Variants in VSTM1 observed in about 807,000 individuals in gnomAD.
VSTM1 encodes V-set and transmembrane domain containing 1.
A neutral mutation model predicts 33.1 loss-of-function variants in VSTM1; 27 were observed. The ratio of observed to expected loss-of-function variants is 0.82; its 90% CI spans 0.60 to 1.12. The LOEUF (loss-of-function observed/expected upper bound fraction) is 1.12, where lower values mean the gene tolerates loss of function less well. VSTM1 is among the 50% of genes most tolerant of loss of function. The pLI, the probability that VSTM1 is intolerant of heterozygous loss-of-function variation, is 0.00. For missense variants in VSTM1, 304 were observed against 288.9 expected (o/e 1.05, Z -0.38); for synonymous variants, 115 against 110.3 (o/e 1.04, Z -0.27).
intron 8 of VSTM1, 24 bp downstream of exon 8, chr19:54,041,755 G>A: frequency 6.2e-7 from 1 of 1,611,282 alleles, no homozygotes; most frequent in South Asian, 1.1e-5. Flanking sequence ...AGCTCTTGTG[G>A]GACTCCTAAG....
At chr19:54,042,745 C>CAT (rs146646565) in intron 4 of VSTM1, among the ~76,000 whole-genome samples, 3 of 106,732 alleles carry the variant, frequency 2.8e-5, no homozygotes, top group Admixed American at 1.0e-4. Context: ...TATATATATA[C>CAT]GTGTGTGTGT....
chr19:54,056,577 C>T (rs947257584), intron 3 of VSTM1, among the ~76,000 whole-genome samples: 6 of 139,964 alleles, frequency 4.3e-5, no homozygotes, highest in African/African-American at 1.6e-4. Flanking sequence ...CACAGTTCTT[C>T]CTCCTCCCTC....
intron 6 of VSTM1, 39 bp downstream of exon 6, chr19:54,042,130 A>G: frequency 1.9e-6 from 3 of 1,581,416 alleles, no homozygotes; most frequent in Non-Finnish European, 2.6e-6. Flanking sequence ...TGAGAATGAC[A>G]TGGGAATAAG....
intron 4 of VSTM1, among the ~76,000 whole-genome samples, chr19:54,046,998 C>T (rs1367331976): frequency 6.6e-6 from 1 of 152,098 alleles, no homozygotes; most frequent in East Asian, 1.9e-4. Flanking sequence ...GAGTTCGAGA[C>T]CAGCCTGACC....
chr19:54,042,093 A>T (rs2070310776), intron 6 of VSTM1, 76 bp downstream of exon 6: 1 of 1,609,900 alleles, frequency 6.2e-7, no homozygotes, highest in African/African-American at 1.3e-5. Context: ...TCAGGGTGCC[A>T]ATCCCGGATG....
chr19:54,061,526 T>C (rs542267876), intron 1 of VSTM1, among the ~76,000 whole-genome samples: 1 of 152,232 alleles, frequency 6.6e-6, no homozygotes, highest in African/African-American at 2.4e-5. Flanking sequence ...AAGACGGCCA[T>C]GCGAAGACAG....
At chr19:54,056,135 G>A (rs1401627845) in intron 3 of VSTM1, among the ~76,000 whole-genome samples, 1 of 136,490 alleles carries the variant, frequency 7.3e-6, no homozygotes, top group Non-Finnish European at 1.6e-5. Context: ...CCAAGAACTA[G>A]ACAACCAGGG....
chr19:54,042,244 C>T (rs1215190100), intron 5 of VSTM1, 33 bp downstream of exon 5: 1 of 1,613,868 alleles, frequency 6.2e-7, no homozygotes, highest in Non-Finnish European at 8.5e-7. Context: ...ATCCTTCACT[C>T]CCCCTCTCTC....
At chr19:54,051,536 C>A in intron 3 of VSTM1, 88 bp from the exon 4 acceptor site, 1 of 1,046,484 alleles carries the variant, frequency 9.6e-7, no homozygotes, top group Non-Finnish European at 1.4e-6. Context: ...TATAGACATC[C>A]TGTTCTTCTT....
At chr19:54,051,045 G>C (rs567893652) in intron 4 of VSTM1, among the ~76,000 whole-genome samples, 2 of 151,346 alleles carry the variant, frequency 1.3e-5, no homozygotes, top group South Asian at 2.1e-4. Context: ...TGTAATCCCA[G>C]CACTTTGGGA....
At chr19:54,056,683 A>C (rs2071115115) in intron 3 of VSTM1, among the ~76,000 whole-genome samples, 1 of 139,528 alleles carries the variant, frequency 7.2e-6, no homozygotes, top group Non-Finnish European at 1.6e-5. Context: ...TTTCCATGGC[A>C]ATCATCACTT....
intron 4 of VSTM1, among the ~76,000 whole-genome samples, chr19:54,048,953 G>A (rs913224754): frequency 2.6e-5 from 4 of 152,062 alleles, no homozygotes; most frequent in East Asian, 1.9e-4. Context: ...GCATGGTGAC[G>A]GGCGCCTGTA....
chr19:54,045,082 A>G (rs1178640244), intron 4 of VSTM1, among the ~76,000 whole-genome samples: 1 of 152,140 alleles, frequency 6.6e-6, no homozygotes. Flanking sequence ...CAAGTCTGAG[A>G]TGCTTCACAC....
chr19:54,062,291 G>T (rs1212992300), intron 1 of VSTM1, among the ~76,000 whole-genome samples: 1 of 152,146 alleles, frequency 6.6e-6, no homozygotes, highest in Non-Finnish European at 1.5e-5. Context: ...CCAACTTAAA[G>T]CAATTCTAAT....
In VSTM1 at chr19:54,049,725, C is replaced by T. The variant is rs116693429; in HGVS notation, c.394+1685G>A. ...GGGTAGCAGACATTTCCCAAGCCTA[C>T]TATCATGGAATAAAAACGTTTCAAA... On this transcript the variant is annotated intron_variant, in intron 4 of 8. Coordinates refer to ENST00000338372, the MANE Select transcript of VSTM1 (RefSeq NM_198481.4). Among the ~76,000 whole-genome samples the T allele has an allele frequency of 9.1e-3, 1,381 of 152,172 alleles. 25 individuals are homozygous for T. Among genetic ancestry groups the T allele is most frequent in the African/African-American group, 0.032 (1,311 of 41,498 alleles).
At chr19:54,051,514 T>C in intron 3 of VSTM1, 66 bp from the exon 4 acceptor site, 1 of 1,311,554 alleles carries the variant, frequency 7.6e-7, no homozygotes, top group Admixed American at 2.3e-5. Flanking sequence ...ACAGGAGTCC[T>C]CACGTCCTAC....
At chr19:54,048,393 G>A in intron 4 of VSTM1, 1 of 376,152 alleles carries the variant, frequency 2.7e-6, no homozygotes, top group Non-Finnish European at 5.5e-6. Flanking sequence ...TGGTATTACA[G>A]ACGTGAGCCA....
chr19:54,052,242 C>T (rs185279356), intron 3 of VSTM1, among the ~76,000 whole-genome samples: 4,332 of 150,186 alleles, frequency 0.029, 99 homozygotes, highest in Admixed American at 0.042. Context: ...ACTAAAAATA[C>T]AAAAAGTTAG....
In VSTM1 at chr19:54,053,859, C is replaced by T. The variant is rs1450082917; in HGVS notation, c.356-2411G>A. Among the ~76,000 whole-genome samples the T allele has an allele frequency of 1.4e-5, 2 of 142,436 alleles. 1 individual carries two copies. Among genetic ancestry groups the T allele is most frequent in the Admixed American group, 1.4e-4 (2 of 13,820 alleles). 93.4% of individuals were successfully genotyped at this position (142,436 alleles called of 152,430 possible). On this transcript the variant is annotated intron_variant, in intron 3 of 8. Coordinates refer to ENST00000338372, the MANE Select transcript of VSTM1 (RefSeq NM_198481.4). ...ATGTGTTTTTTAATTACTCTGATAG[C>T]TTGCTCTTATTTCTTTCTTTCTTCC...
Sources: allele counts gnomAD v4.1 joint callset (sites outside exome capture counted in the v4.1 genomes callset), GRCh38; gene constraint gnomAD v4.1.1; transcripts MANE v1.5; gene names NCBI Gene and HGNC (gene_info 2026-07-23, HGNC 2026-07-21).